The following LRIG1 variants were observed in gnomAD, a reference collection of about 807,000 sequenced individuals.
LRIG1 encodes the protein leucine-rich repeats and immunoglobulin-like domains protein 1.
LRIG1 carries 48 observed loss-of-function variants against 99.2 expected under a neutral mutation model. That is an observed-to-expected ratio of 0.48 (90% CI 0.38 to 0.62). LRIG1 has a LOEUF of 0.62. Among genes scored for constraint, LRIG1 ranks in the 20% least tolerant of loss-of-function variants. LRIG1 has a pLI of 0.00. For missense variants in LRIG1, 1,646 were observed against 1,434.4 expected, an observed-to-expected ratio of 1.15 and a Z score of -2.38; for synonymous variants, 772 against 596.1, an observed-to-expected ratio of 1.29 and a Z score of -4.30.
At chr3:66,404,964 G>A (rs1253628057) in intron 9 of LRIG1, among the ~76,000 whole-genome samples, 4 of 152,164 alleles carry the variant, frequency 2.6e-5, no homozygotes, top group African/African-American at 4.8e-5. Flanking sequence ...GCCGCCAAAC[G>A]CCGGGTTGCC....
chr3:66,386,787 C>G (rs553801454), intron 12 of LRIG1: 1 of 154,112 alleles, frequency 6.5e-6, no homozygotes, highest in Non-Finnish European at 1.4e-5. Flanking sequence ...TCAAAAGCAA[C>G]TTTTTCAGAA....
At chr3:66,489,022 G>T (rs879569227) in intron 1 of LRIG1, among the ~76,000 whole-genome samples, 42 of 152,182 alleles carry the variant, frequency 2.8e-4, no homozygotes, top group Admixed American at 2.4e-3. Context: ...GATCGAAAGT[G>T]GATCTGTACC....
intron 10 of LRIG1, among the ~76,000 whole-genome samples, chr3:66,398,508 C>G (rs537576419): frequency 5.3e-5 from 8 of 152,360 alleles, no homozygotes; most frequent in Non-Finnish European, 1.0e-4. Context: ...ATGGCAACAG[C>G]ATGACTGTCT....
chr3:66,496,598 T>A (rs1158789647), intron 1 of LRIG1, among the ~76,000 whole-genome samples: 1 of 152,212 alleles, frequency 6.6e-6, no homozygotes, highest in East Asian at 1.9e-4. Context: ...AATTAACCTG[T>A]GTTTAAAATG....
chr3:66,493,650 C>A (rs1185308092), intron 1 of LRIG1, among the ~76,000 whole-genome samples: 3 of 152,032 alleles, frequency 2.0e-5, no homozygotes, highest in Admixed American at 2.0e-4. Flanking sequence ...GGCTTGGAAG[C>A]TGGGTGTGGT....
Position 66,407,167 on chromosome 3 carries a change from T to G in LRIG1, c.1079+181A>C, listed in dbSNP as rs74728773. 5.9e-3 allele frequency among the ~76,000 whole-genome samples: 892 copies of G among 152,294 alleles called. 9 individuals carry two copies. Among genetic ancestry groups the G allele is most frequent in the African/African-American group, 0.019 (809 of 41,564 alleles). ...TGGGGAAATGAGAGATTTTTCTGCT[T>G]AACCAGTTCTTTTTCAGTTGATTAC... is the stretch of plus-strand genomic sequence containing the variant. On this transcript the variant is annotated intron_variant, in intron 8 of 18. Coordinates refer to ENST00000273261, the MANE Select transcript of LRIG1 (RefSeq NM_015541.3).
intron 1 of LRIG1, among the ~76,000 whole-genome samples, chr3:66,470,609 C>A (rs1312320263): frequency 3.3e-5 from 5 of 152,184 alleles, no homozygotes; most frequent in Admixed American, 2.0e-4. Context: ...TTATATAAAC[C>A]TTAGCAAACC....
intron 1 of LRIG1, among the ~76,000 whole-genome samples, chr3:66,472,303 C>CAAAAAAAAAA (rs71105995): frequency 4.7e-5 from 3 of 63,868 alleles, no homozygotes; most frequent in Admixed American, 2.6e-4. Flanking sequence ...GACTCTGTCT[C>CAAAAAAAAAA]AAAAAAAAAA....
In LRIG1 at chr3:66,384,044, G is replaced by A. The variant is rs1183493945; in HGVS notation, c.2018C>T (p.Thr673Ile). ...KIDDAGVYSC[T>I]AQNSAGSISA... ...AATAGAACCGGCTGAGTTCTGAGCA[G>A]TACAGCTGTAAACCCCTGCGTCATC... Residue 673 changes from threonine (T) to isoleucine (I), a missense_variant, in exon 14 of 19, where the codon ACT (threonine) becomes ATT (isoleucine). Coordinates refer to ENST00000273261, the MANE Select transcript of LRIG1 (RefSeq NM_015541.3). The A allele has an allele frequency of 6.2e-7, 1 of 1,614,040 alleles. No individual in the cohort carries two copies. Among genetic ancestry groups the A allele is most frequent in the Non-Finnish European group, 8.5e-7 (1 of 1,180,020 alleles).
intron 7 of LRIG1, among the ~76,000 whole-genome samples, chr3:66,409,578 A>T (rs1309273948): frequency 6.6e-6 from 1 of 152,244 alleles, no homozygotes; most frequent in East Asian, 1.9e-4. Context: ...CCAGCAGGCC[A>T]CTGCGGTGCA....
chr3:66,414,343 G>A (rs1702557064), intron 5 of LRIG1, among the ~76,000 whole-genome samples: 1 of 151,958 alleles, frequency 6.6e-6, no homozygotes. Context: ...CTTGCAGTGA[G>A]CTGAGATCAC....
intron 3 of LRIG1, among the ~76,000 whole-genome samples, chr3:66,443,095 T>A (rs181228512): frequency 6.6e-6 from 1 of 152,096 alleles, no homozygotes; most frequent in Non-Finnish European, 1.5e-5. Flanking sequence ...TGGGGGCAAG[T>A]GGCAGTCTGC....
intron 3 of LRIG1, among the ~76,000 whole-genome samples, chr3:66,436,275 G>A (rs1379601288): frequency 1.3e-5 from 2 of 152,156 alleles, no homozygotes; most frequent in Non-Finnish European, 2.9e-5. Context: ...CACTCCCAAA[G>A]CATCATCCTT....
At chr3:66,429,297 C>G (rs1265985233) in intron 3 of LRIG1, among the ~76,000 whole-genome samples, 2 of 152,158 alleles carry the variant, frequency 1.3e-5, no homozygotes, top group Non-Finnish European at 2.9e-5. Flanking sequence ...AATCTAGGTA[C>G]GATCAACAGC....
intron 9 of LRIG1, 79 bp downstream of exon 9, chr3:66,405,119 G>C: frequency 7.9e-7 from 1 of 1,271,206 alleles, no homozygotes; most frequent in South Asian, 1.2e-5. Context: ...AGAGAGGCGC[G>C]GGGGGCGCCA....
At chr3:66,429,268 CG>C (rs1191234312) in intron 3 of LRIG1, among the ~76,000 whole-genome samples, 2 of 152,166 alleles carry the variant, frequency 1.3e-5, no homozygotes, top group African/African-American at 4.8e-5. Context: ...CTGAAAGCCC[CG>C]GATCCCTGAA....
intron 1 of LRIG1, among the ~76,000 whole-genome samples, chr3:66,463,119 A>G (rs981331578): frequency 2.6e-5 from 4 of 152,154 alleles, no homozygotes; most frequent in African/African-American, 4.8e-5. Context: ...GCAGCCCTGC[A>G]CGACTGAGAA....
At position 66,410,173 on chromosome 3, in the gene LRIG1, G is replaced by A. The variant is rs748283524; in HGVS notation, c.891C>T (p.Arg297=). The A allele has an allele frequency of 1.2e-6, 2 of 1,614,172 alleles. No individual in the cohort carries two copies. The highest frequency in any genetic ancestry group is 1.3e-5 in the African/African-American group (1 of 75,080). Residue 297 remains arginine (R), a synonymous_variant, in exon 7 of 19, where the codon CGC becomes CGT. Coordinates refer to ENST00000273261, the MANE Select transcript of LRIG1 (RefSeq NM_015541.3). ...QLHLSNNSIA[R]IHRKGWSFCQ... ...AGAAGCTCCAGCCCTTGCGGTGAAT[G>A]CGAGCGATGGAATTGTTGCTGAGGT...
chr3:66,384,830 G>A (rs778356600), intron 13 of LRIG1, among the ~76,000 whole-genome samples: 11 of 152,152 alleles, frequency 7.2e-5, no homozygotes, highest in South Asian at 4.1e-4. Context: ...CCTAAAGATC[G>A]ATGTCCTGAC....
Sources: allele counts gnomAD v4.1 joint callset (sites outside exome capture counted in the v4.1 genomes callset), GRCh38; gene constraint gnomAD v4.1.1; transcripts MANE v1.5; gene names NCBI Gene and HGNC (gene_info 2026-07-23, HGNC 2026-07-21).